Variants in COP1 observed in about 807,000 individuals in gnomAD.
COP1 encodes the protein E3 ubiquitin-protein ligase COP1.
A neutral mutation model predicts 101.3 loss-of-function variants in COP1; 24 were observed. The ratio of observed to expected loss-of-function variants is 0.24; its 90% CI spans 0.17 to 0.33. The LOEUF (loss-of-function observed/expected upper bound fraction) is 0.33, where lower values mean the gene tolerates loss of function less well. Ranked by LOEUF, COP1 falls within the 10% of genes least tolerant of loss-of-function variation. The pLI is 1.00. For missense variants in COP1, 663 were observed against 906.2 expected (o/e 0.73, Z 3.45); for synonymous variants, 347 against 341.9 (o/e 1.01, Z -0.17).
At chr1:176,111,237 T>C (rs1026902581) in intron 9 of COP1, among the ~76,000 whole-genome samples, 2 of 152,198 alleles carry the variant, frequency 1.3e-5, no homozygotes, top group African/African-American at 4.8e-5. Flanking sequence ...GTTCAAACAC[T>C]GTCTATGAAA....
intron 6 of COP1, among the ~76,000 whole-genome samples, chr1:176,145,643 G>T (rs1691468780): frequency 6.6e-6 from 1 of 152,002 alleles, no homozygotes; most frequent in African/African-American, 2.4e-5. Flanking sequence ...TCACTTAATG[G>T]AATACTATAC....
chr1:175,953,467 T>G (rs1356312290), intron 18 of COP1, among the ~76,000 whole-genome samples: 1 of 151,848 alleles, frequency 6.6e-6, no homozygotes, highest in Non-Finnish European at 1.5e-5. Flanking sequence ...CCCTAAGAAA[T>G]ACACTTTAGG....
intron 15 of COP1, among the ~76,000 whole-genome samples, chr1:176,022,273 T>G (rs1666884080): frequency 6.6e-6 from 1 of 152,192 alleles, no homozygotes; most frequent in African/African-American, 2.4e-5. Flanking sequence ...AAGCTTACAA[T>G]TAGCATGATG....
intron 7 of COP1, among the ~76,000 whole-genome samples, chr1:176,136,142 C>T (rs182458524): frequency 6.6e-6 from 1 of 151,788 alleles, no homozygotes; most frequent in Non-Finnish European, 1.5e-5. Context: ...TAGAAATGCA[C>T]AGAGTAGGTA....
At chr1:176,028,883 G>C (rs375256995) in intron 14 of COP1, among the ~76,000 whole-genome samples, 1 of 150,934 alleles carries the variant, frequency 6.6e-6, no homozygotes, top group Non-Finnish European at 1.5e-5. Flanking sequence ...TCAGCCTCCC[G>C]GGTAGCTAGG....
chr1:176,181,669 G>A (rs925412330), intron 2 of COP1, among the ~76,000 whole-genome samples: 2 of 151,988 alleles, frequency 1.3e-5, no homozygotes, highest in Admixed American at 6.6e-5. Flanking sequence ...GGTGAACCCC[G>A]TCTCTACTAA....
intron 15 of COP1, among the ~76,000 whole-genome samples, chr1:176,013,434 TAATG>T (rs1665046359): frequency 6.6e-6 from 1 of 152,204 alleles, no homozygotes; most frequent in Non-Finnish European, 1.5e-5. Context: ...TATTTGGTCT[TAATG>T]AATCATTATA....
chr1:176,160,699 A>G (rs540971669), intron 5 of COP1, among the ~76,000 whole-genome samples: 79 of 152,190 alleles, frequency 5.2e-4, no homozygotes, highest in Non-Finnish European at 1.0e-3. Context: ...TCATTAGATA[A>G]ATGCAAATCA....
Position 176,046,343 on chromosome 1 carries a change from T to C in COP1, c.1278-19A>G. ...TTCAATACTAAGGGGAAAAAGTATG[T>C]AATGACAACATTTCAGAATTTGCTA... On this transcript the variant is annotated intron_variant, in intron 11 of 19. Transcript: ENST00000367669. The C allele has an allele frequency of 1.3e-6, 2 of 1,598,586 alleles. No individual in the cohort carries two copies. Among genetic ancestry groups the C allele is most frequent in the Non-Finnish European group, 1.7e-6 (2 of 1,175,668 alleles).
chr1:176,035,172 T>C (rs1170876804), intron 14 of COP1, among the ~76,000 whole-genome samples: 1 of 152,128 alleles, frequency 6.6e-6, no homozygotes, highest in African/African-American at 2.4e-5. Context: ...AAAGCAACTA[T>C]TGTAATTATA....
intron 3 of COP1, among the ~76,000 whole-genome samples, chr1:176,167,019 G>A (rs1208510822): frequency 6.6e-6 from 1 of 152,166 alleles, no homozygotes; most frequent in Non-Finnish European, 1.5e-5. Flanking sequence ...ATTTTATTTA[G>A]TACACTCAGC....
intron 9 of COP1, among the ~76,000 whole-genome samples, chr1:176,091,920 A>C (rs1213978866): frequency 6.6e-6 from 1 of 152,208 alleles, no homozygotes; most frequent in Non-Finnish European, 1.5e-5. Context: ...GACAAACTAA[A>C]AAATTAGAAT....
At chr1:176,114,594 G>C (rs1255967134) in intron 9 of COP1, among the ~76,000 whole-genome samples, 1 of 142,680 alleles carries the variant, frequency 7.0e-6, no homozygotes, top group Non-Finnish European at 1.5e-5. Flanking sequence ...TTTGCGGGGG[G>C]AGGGAGTGGG....
At position 175,988,308 on chromosome 1, in the gene COP1, T is replaced by A. The variant is rs201905141; in HGVS notation, c.1952A>T (p.Asn651Ile). 1 of 1,612,132 alleles carries A rather than the reference T, an allele frequency of 6.2e-7. No individual in the cohort carries two copies. Among genetic ancestry groups the A allele is most frequent in the East Asian group, 2.2e-5 (1 of 44,862 alleles). The change falls in exon 17 of 20, where the codon AAT (asparagine) becomes ATT (isoleucine). Residue 651 changes from asparagine (N) to isoleucine (I), a missense_variant. By Grantham distance (149) the Asn-to-Ile change is moderately radical. Transcript: ENST00000367669. ...CTTACCACAAGCTATATAATCTCCA[T>A]TGGAAGCCAGGCCTACAAAGTTTTT... ...NEKNFVGLAS[N>I]GDYIACGSEN...
chr1:176,096,416 TG>T (rs1437091428), intron 9 of COP1, among the ~76,000 whole-genome samples: 1 of 152,174 alleles, frequency 6.6e-6, no homozygotes, highest in Non-Finnish European at 1.5e-5. Context: ...TTTGGGTGCA[TG>T]GCCATGTCTG....
At chr1:176,099,832 C>A (rs1187891188) in intron 9 of COP1, among the ~76,000 whole-genome samples, 1 of 152,094 alleles carries the variant, frequency 6.6e-6, no homozygotes, top group African/African-American at 2.4e-5. Context: ...CTTCTACAGG[C>A]CCAGAGCTCC....
chr1:176,099,859 G>C (rs7542188), intron 9 of COP1, among the ~76,000 whole-genome samples: 2 of 152,112 alleles, frequency 1.3e-5, no homozygotes, highest in Non-Finnish European at 2.9e-5. Flanking sequence ...ATTTTGAGAC[G>C]TTAAGAGAGC....
intron 1 of COP1, among the ~76,000 whole-genome samples, chr1:176,192,813 A>C (rs1362417930): frequency 9.2e-5 from 14 of 152,190 alleles, no homozygotes; most frequent in Non-Finnish European, 1.9e-4. Context: ...TTCAGGGGTG[A>C]AAGAAATCTC....
intron 5 of COP1, among the ~76,000 whole-genome samples, chr1:176,154,611 C>A (rs1443637306): frequency 6.6e-6 from 1 of 152,012 alleles, no homozygotes; most frequent in Non-Finnish European, 1.5e-5. Context: ...TAGAGGGGAA[C>A]AATACACACT....
Sources: gnomAD v4.1 joint callset for allele counts (sites outside exome capture counted in the v4.1 genomes callset) on GRCh38, gnomAD v4.1.1 for gene constraint, MANE v1.5 for transcripts, NCBI Gene and HGNC (gene_info 2026-07-23, HGNC 2026-07-21) for gene names.